Variants in EYA1 observed in about 807,000 individuals in gnomAD.
The protein encoded by EYA1 is EYA transcriptional coactivator and phosphatase 1, also known as protein phosphatase EYA1.
EYA1 carries 16 observed loss-of-function variants against 82.0 expected under a neutral mutation model. The ratio of observed to expected loss-of-function variants is 0.20; its 90% confidence interval spans 0.13 to 0.30. EYA1 has a LOEUF of 0.30. Ranked by LOEUF, EYA1 falls within the 10% of genes least tolerant of loss-of-function variation. The probability of loss-of-function intolerance (pLI) is 1.00; values close to 1 mark genes in which losing one functional copy is unlikely to be tolerated. For missense variants in EYA1, 633 were observed against 730.7 expected, an observed-to-expected ratio of 0.87 and a Z score of 1.54; for synonymous variants, 261 against 264.4, an observed-to-expected ratio of 0.99 and a Z score of 0.12.
At chr8:71,212,094 C>T (rs558899083) in intron 16 of EYA1, among the ~76,000 whole-genome samples, 165 of 152,312 alleles carry the variant, frequency 1.1e-3, no homozygotes, top group African/African-American at 3.9e-3. Context: ...TGTTCCAACT[C>T]TTGGACTGCC....
At chr8:71,207,210 A>G (rs571093864) in intron 17 of EYA1, among the ~76,000 whole-genome samples, 1 of 152,330 alleles carries the variant, frequency 6.6e-6, no homozygotes, top group South Asian at 2.1e-4. Flanking sequence ...TAGGTTAAAT[A>G]TTAAGTATTC....
chr8:71,235,798 A>G (rs1279074619), intron 12 of EYA1, among the ~76,000 whole-genome samples: 1 of 152,212 alleles, frequency 6.6e-6, no homozygotes, highest in Non-Finnish European at 1.5e-5. Flanking sequence ...TGGATGCGAT[A>G]GCATGTCGGT....
intron 2 of EYA1, among the ~76,000 whole-genome samples, chr8:71,369,953 C>T (rs1305809186): frequency 6.6e-6 from 1 of 151,788 alleles, no homozygotes; most frequent in African/African-American, 2.4e-5. Context: ...TCCTTAAAAA[C>T]TGTGCTAGGA....
At chr8:71,376,991 T>G (rs1180677832) in intron 2 of EYA1, among the ~76,000 whole-genome samples, 1 of 152,132 alleles carries the variant, frequency 6.6e-6, no homozygotes, top group Admixed American at 6.6e-5. Context: ...CAGCCTGATA[T>G]AAACATCCTT....
chr8:71,215,559 T>G (rs762190674), intron 15 of EYA1, 51 bp from the exon 16 acceptor site: 13 of 1,611,890 alleles, frequency 8.1e-6, no homozygotes, highest in Non-Finnish European at 1.1e-5. Flanking sequence ...ATCTCCAAAA[T>G]GAACAAGCAC....
At chr8:71,323,674 T>C (rs964412928) in intron 4 of EYA1, among the ~76,000 whole-genome samples, 1 of 152,232 alleles carries the variant, frequency 6.6e-6, no homozygotes, top group Admixed American at 6.5e-5. Flanking sequence ...CCAGCTGGTA[T>C]ACCCCATCAT....
At chr8:71,506,526 T>C (rs1178316259) in intron 2 of EYA1, among the ~76,000 whole-genome samples, 1 of 152,258 alleles carries the variant, frequency 6.6e-6, no homozygotes, top group Non-Finnish European at 1.5e-5. Flanking sequence ...GTGCCAATTA[T>C]ATTTGTTATT....
intron 12 of EYA1, among the ~76,000 whole-genome samples, chr8:71,226,669 G>A (rs1810596491): frequency 6.7e-6 from 1 of 148,820 alleles, no homozygotes; most frequent in Non-Finnish European, 1.5e-5. Flanking sequence ...TAGTGACTCA[G>A]TGTTGAACAG....
At chr8:71,220,892 A>G (rs1283436156) in intron 12 of EYA1, among the ~76,000 whole-genome samples, 1 of 152,220 alleles carries the variant, frequency 6.6e-6, no homozygotes, top group Non-Finnish European at 1.5e-5. Context: ...CTGTGCCTGC[A>G]GATCCCAGCA....
intron 11 of EYA1, among the ~76,000 whole-genome samples, chr8:71,254,081 T>G (rs1013350196): frequency 1.3e-5 from 2 of 152,006 alleles, no homozygotes; most frequent in African/African-American, 4.8e-5. Context: ...TTGAGTTTTC[T>G]TCTTCTTAGT....
intron 17 of EYA1, chr8:71,204,115 G>A (rs1012329350): frequency 6.6e-6 from 1 of 152,114 alleles, no homozygotes; most frequent in Non-Finnish European, 1.5e-5. Flanking sequence ...TCAAGATTAG[G>A]CATATATTGA....
intron 2 of EYA1, among the ~76,000 whole-genome samples, chr8:71,528,002 A>C (rs1813947097): frequency 1.3e-5 from 2 of 151,348 alleles, no homozygotes; most frequent in African/African-American, 4.9e-5. Flanking sequence ...CCCACCCCTC[A>C]CACATAAAAA....
At chr8:71,482,405 C>T (rs754981781) in intron 2 of EYA1, among the ~76,000 whole-genome samples, 4 of 152,140 alleles carry the variant, frequency 2.6e-5, no homozygotes, top group African/African-American at 9.7e-5. Context: ...TTGTTGAGGA[C>T]GTAGAGTAAC....
At chr8:71,212,419 A>G (rs1808624620) in intron 16 of EYA1, among the ~76,000 whole-genome samples, 1 of 151,904 alleles carries the variant, frequency 6.6e-6, no homozygotes, top group African/African-American at 2.4e-5. Context: ...ATATACAACC[A>G]AAAACTTCGA....
At chr8:71,348,385 G>T (rs1413761184) in intron 3 of EYA1, among the ~76,000 whole-genome samples, 2 of 152,166 alleles carry the variant, frequency 1.3e-5, no homozygotes, top group Non-Finnish European at 2.9e-5. Flanking sequence ...GGAACCAGAG[G>T]TTTCTCTCAG....
intron 2 of EYA1, among the ~76,000 whole-genome samples, chr8:71,445,633 T>TTTTTG (rs1178350066): frequency 3.9e-5 from 6 of 152,194 alleles, no homozygotes; most frequent in Non-Finnish European, 7.3e-5. Flanking sequence ...ATTCCAAACT[T>TTTTTG]TTTTGTTTTG....
At chr8:71,546,459 G>A (rs1586924561) in intron 1 of EYA1, among the ~76,000 whole-genome samples, 1 of 151,676 alleles carries the variant, frequency 6.6e-6, no homozygotes, top group Admixed American at 6.6e-5. Context: ...CCTGCACTTT[G>A]CACTCATAGC....
chr8:71,485,016 G>C (rs368410171), intron 2 of EYA1, among the ~76,000 whole-genome samples: 14 of 152,214 alleles, frequency 9.2e-5, no homozygotes, highest in South Asian at 2.1e-4. Context: ...ACAGCCTCAT[G>C]GTTATTCATA....
At chr8:71,273,902 G>A (rs1358408791) in intron 9 of EYA1, among the ~76,000 whole-genome samples, 2 of 152,158 alleles carry the variant, frequency 1.3e-5, no homozygotes, top group East Asian at 1.9e-4. Flanking sequence ...CGTAAAAGTC[G>A]TTTATCTTTC....
Sources: allele counts gnomAD v4.1 joint callset (sites outside exome capture counted in the v4.1 genomes callset), GRCh38; gene constraint gnomAD v4.1.1; transcripts MANE v1.5; gene names NCBI Gene and HGNC (gene_info 2026-07-23, HGNC 2026-07-21).